Variants in PTPN3 observed in about 807,000 individuals in gnomAD.
PTPN3 encodes protein tyrosine phosphatase non-receptor type 3.
Under a neutral mutation model 132.7 loss-of-function variants are expected in PTPN3, and 96 were observed. The ratio of observed to expected loss-of-function variants is 0.72; its 90% CI spans 0.61 to 0.86. The LOEUF (loss-of-function observed/expected upper bound fraction) is 0.86. Among genes scored for constraint, PTPN3 ranks in the 40% least tolerant of loss-of-function variants. PTPN3 has a pLI of 0.00. For missense variants in PTPN3, 1,125 were observed against 1,159.6 expected, an observed-to-expected ratio of 0.97 and a Z score of 0.43; for synonymous variants, 398 against 429.0, an observed-to-expected ratio of 0.93 and a Z score of 0.89.
chr9:109,405,225 C>A (rs926547027), intron 18 of PTPN3, among the ~76,000 whole-genome samples: 25 of 152,166 alleles, frequency 1.6e-4, no homozygotes, highest in Non-Finnish European at 3.2e-4. Context: ...ACCACCCCCC[C>A]ACAACTCCCA....
chr9:109,437,033 T>A lies in PTPN3; in HGVS notation c.588-63A>T. ...AAAGAGAGGGCATTAACTCCAATTT[T>A]AAAAAATCTAGAACATTTGATACCA... On this transcript the variant is annotated intron_variant, in intron 8 of 25. Transcript: ENST00000374541. 5 of 1,601,862 alleles carry A rather than the reference T, an allele frequency of 3.1e-6. No homozygotes were observed. In the South Asian group the frequency reaches 3.4e-5, roughly 11 times the overall value.
intron 16 of PTPN3, 29 bp downstream of exon 16, chr9:109,409,970 A>G: frequency 6.2e-7 from 1 of 1,611,130 alleles, no homozygotes; most frequent in Non-Finnish European, 8.5e-7. Context: ...TTCCCAGCAC[A>G]AAACTTCCTT....
chr9:109,440,115 G>T (rs1844344406), intron 7 of PTPN3, among the ~76,000 whole-genome samples: 1 of 152,162 alleles, frequency 6.6e-6, no homozygotes, highest in South Asian at 2.1e-4. Flanking sequence ...CACACAGTAG[G>T]TGCTCAGAAA....
chr9:109,379,590 T>A lies in PTPN3; in HGVS notation c.2708A>T (p.Glu903Val). 1 of 1,614,144 alleles carries A rather than the reference T, an allele frequency of 6.2e-7. No individual in the cohort carries two copies. The highest frequency in any genetic ancestry group is 8.5e-7 in the Non-Finnish European group (1 of 1,179,998). ...ATCCAGCATTTGGACTAAACCTTCT[T>A]CATACACACGAAGAATCGCTTCACA... ...FVCEAILRVY[E>V]EGLVQMLDPS is the part of the protein sequence containing the mutation. Residue 903 changes from glutamate to valine, a missense_variant, in exon 26 of 26, where the codon GAA becomes GTA. By Grantham distance (121) the Glu-to-Val change is moderately radical. Transcript: ENST00000374541.
At chr9:109,414,267 G>A (rs1392014673) in intron 14 of PTPN3, among the ~76,000 whole-genome samples, 1 of 152,256 alleles carries the variant, frequency 6.6e-6, no homozygotes, top group African/African-American at 2.4e-5. Context: ...TTCTGAGAAT[G>A]TGCTGTGCAC....
chr9:109,507,292 G>A, the PTPN3 span, among the ~76,000 whole-genome samples: 1 of 152,192 alleles, frequency 6.6e-6, no homozygotes, highest in Non-Finnish European at 1.5e-5. Flanking sequence ...GAAGTGAGAT[G>A]GAGAATTCCA....
At chr9:109,393,033 A>G (rs1840261498) in intron 19 of PTPN3, 1 of 152,222 alleles carries the variant, frequency 6.6e-6, no homozygotes, top group African/African-American at 2.4e-5. Context: ...ATGAATCTCT[A>G]ACAGGACAAG....
chr9:109,480,847 G>T (rs908400363), intron 1 of PTPN3, among the ~76,000 whole-genome samples: 3 of 152,164 alleles, frequency 2.0e-5, no homozygotes, highest in African/African-American at 7.2e-5. Context: ...CAGGCAGCCT[G>T]CCCAGTGGCT....
intron 2 of PTPN3, among the ~76,000 whole-genome samples, chr9:109,462,453 C>T (rs1280055474): frequency 6.6e-6 from 1 of 152,194 alleles, no homozygotes; most frequent in Non-Finnish European, 1.5e-5. Flanking sequence ...CTCAATTGTT[C>T]TCTCATCCCA....
In PTPN3 at chr9:109,391,468, C is replaced by G; in HGVS notation, c.2044+3G>C. ...GAAGGAGGCATTCATGCCGGATACT[C>G]ACAAGGCAGCACATCTTTATATCGG... On this transcript the variant is annotated splice_donor_region_variant and intron_variant, in intron 20 of 25. Transcript: ENST00000374541. 1 of 1,609,436 alleles carries G rather than the reference C, an allele frequency of 6.2e-7. No individual in the cohort carries two copies. The highest frequency in any genetic ancestry group is 8.5e-7 in the Non-Finnish European group (1 of 1,175,972).
intron 1 of PTPN3, among the ~76,000 whole-genome samples, chr9:109,480,214 C>T (rs1846894700): frequency 6.6e-6 from 1 of 152,212 alleles, no homozygotes. Context: ...CGCTCTGTCA[C>T]CCAGGCTGGA....
At chr9:109,424,209 T>C (rs551514145) in intron 12 of PTPN3, among the ~76,000 whole-genome samples, 3 of 152,352 alleles carry the variant, frequency 2.0e-5, no homozygotes, top group South Asian at 2.1e-4. Context: ...TTTCTTTTTA[T>C]GTGGAACCTT....
intron 7 of PTPN3, among the ~76,000 whole-genome samples, chr9:109,444,303 C>T (rs1258543604): frequency 7.2e-5 from 11 of 152,200 alleles, no homozygotes; most frequent in South Asian, 4.1e-4. Context: ...TCTGGCTATA[C>T]GTTCTTTTCA....
Position 109,428,696 on chromosome 9 carries a change from AAAACAAAACAC to A in PTPN3, c.765-23_765-13del. 6.2e-7 allele frequency: 1 copy of A among 1,611,146 alleles called. No individual in the cohort carries two copies. Among genetic ancestry groups the A allele is most frequent in the Non-Finnish European group, 8.5e-7 (1 of 1,179,110 alleles). Reference sequence around the variant, plus strand: ...TGAGAATGTTCACCCTTCAAAAAATAAAACAAAACACAAACAAAGCACATCAGGGATCGGCC... The same window carrying A: ...TGAGAATGTTCACCCTTCAAAAAATAAAACAAAGCACATCAGGGATCGGCC... On this transcript the variant is annotated splice_polypyrimidine_tract_variant and intron_variant, in intron 10 of 25. Transcript: ENST00000374541.
Position 109,463,302 on chromosome 9 carries a change from C to T in PTPN3, c.133G>A (p.Val45Ile). ...AAAAAAAGTAGAGAACTTACAGTAA[C>T]TTTAAAGGTCTGTACCACGCCATCT... ...FLDGVVQTFK[V>I]TKQDTGQVLL... Residue 45 changes from valine to isoleucine, a missense_variant, in exon 2 of 26, where the codon GTT becomes ATT. Physicochemically the swap from Val to Ile is conservative, Grantham distance 29 (BLOSUM62 3). Coordinates refer to ENST00000374541, the MANE Select transcript of PTPN3 (RefSeq NM_002829.4). The T allele has an allele frequency of 2.5e-6, 4 of 1,584,394 alleles. No homozygotes were observed. Among genetic ancestry groups the T allele is most frequent in the Non-Finnish European group, 3.4e-6 (4 of 1,169,786 alleles).
At chr9:109,464,347 A>C (rs754854816) in intron 1 of PTPN3, among the ~76,000 whole-genome samples, 2 of 152,186 alleles carry the variant, frequency 1.3e-5, no homozygotes, top group Non-Finnish European at 2.9e-5. Flanking sequence ...GTGGGAGCTA[A>C]ACTTTGAGAA....
intron 1 of PTPN3, among the ~76,000 whole-genome samples, chr9:109,466,856 A>G (rs535188636): frequency 6.7e-6 from 1 of 150,278 alleles, no homozygotes; most frequent in Admixed American, 7.5e-5. Context: ...AGGGAATGAC[A>G]GGGGGCACCG....
chr9:109,515,552 A>C, the PTPN3 span, among the ~76,000 whole-genome samples: 7 of 152,182 alleles, frequency 4.6e-5, no homozygotes, highest in Non-Finnish European at 8.8e-5. Flanking sequence ...TTGTGTTGCT[A>C]TAAAGGAATA....
intron 1 of PTPN3, among the ~76,000 whole-genome samples, chr9:109,464,987 TA>T (rs1846024744): frequency 1.3e-5 from 2 of 152,364 alleles, no homozygotes; most frequent in African/African-American, 4.8e-5. Flanking sequence ...ATGTGGGTGC[TA>T]ATGACACTGG....
Sources: allele counts gnomAD v4.1 joint callset (sites outside exome capture counted in the v4.1 genomes callset), GRCh38; gene constraint gnomAD v4.1.1; transcripts MANE v1.5; gene names NCBI Gene and HGNC (gene_info 2026-07-23, HGNC 2026-07-21).